SEC14L2: variants seen among roughly 807,000 people sequenced by gnomAD.
The protein encoded by SEC14L2 is SEC14 like lipid binding 2, also known as SEC14-like protein 2.
SEC14L2 carries 50 observed loss-of-function variants against 56.9 expected under a neutral mutation model. That is an observed-to-expected ratio of 0.88 (90% confidence interval 0.70 to 1.11). The LOEUF is 1.11. Ranked by LOEUF, SEC14L2 falls within the 50% of genes most tolerant of loss-of-function variation. The probability of loss-of-function intolerance (pLI) is 0.00; values close to 1 mark genes in which losing one functional copy is unlikely to be tolerated. For synonymous variants in SEC14L2, 179 were observed against 188.5 expected, an observed-to-expected ratio of 0.95 and a Z score of 0.41; for missense variants, 414 against 500.7, an observed-to-expected ratio of 0.83 and a Z score of 1.65.
At chr22:30,398,440 T>G (rs1933821648) in intron 1 of SEC14L2, 4 of 333,804 alleles carry the variant, frequency 1.2e-5, no homozygotes, top group Middle Eastern at 2.1e-3. Context: ...TCTAGGTCAG[T>G]GGTCAGGGAA....
chr22:30,421,523 T>G (rs1934517886), intron 11 of SEC14L2: 1 of 152,238 alleles, frequency 6.6e-6, no homozygotes, highest in Admixed American at 6.5e-5. Flanking sequence ...AACATAAAAT[T>G]GTTGAAGCAA....
rs1207039188 is a variant in SEC14L2 at position 30,410,628 on chromosome 22, A to T, written c.613A>T (p.Ile205Phe). Residue 205 changes from isoleucine to phenylalanine, a missense_variant, in exon 8 of 12, where the codon ATC becomes TTC. Ile to Phe is a conservative substitution (Grantham distance 21, BLOSUM62 0). Coordinates refer to ENST00000615189, the MANE Select transcript of SEC14L2 (RefSeq NM_012429.5). ...PKLFPVAYNL[I>F]KPFLSEDTRK... ...ACTGTTTCCTGTGGCCTATAACCTC[A>T]TCAAACCCTTCCTGAGTGAGGACAC... 6.2e-7 allele frequency: 1 copy of T among 1,613,754 alleles called. No homozygotes were observed. Among genetic ancestry groups the T allele is most frequent in the Non-Finnish European group, 8.5e-7 (1 of 1,179,626 alleles).
intron 1 of SEC14L2, chr22:30,398,837 CTAA>C (rs1933835431): frequency 2.1e-6 from 1 of 467,872 alleles, no homozygotes; most frequent in Non-Finnish European, 4.4e-6. Flanking sequence ...CCCAACTCTG[CTAA>C]TGACTAGCTG....
At chr22:30,419,944 TTTC>T (rs1934472847) in intron 11 of SEC14L2, among the ~76,000 whole-genome samples, 1 of 151,528 alleles carries the variant, frequency 6.6e-6, no homozygotes, top group African/African-American at 2.4e-5. Flanking sequence ...CTTTTTTTCT[TTTC>T]TTTTCTTTTC....
At chr22:30,419,951 T>C (rs1483056422) in intron 11 of SEC14L2, among the ~76,000 whole-genome samples, 1 of 151,520 alleles carries the variant, frequency 6.6e-6, no homozygotes, top group African/African-American at 2.4e-5. Flanking sequence ...TCTTTTCTTT[T>C]CTTTTCTTTT....
At position 30,399,704 on chromosome 22, in the gene SEC14L2, T is replaced by C. The variant is rs1601768681; in HGVS notation, c.116T>C (p.Leu39Pro). ...ALPNPDDYFLLRWLRARSFDL... is the reference protein window; with the variant it reads ...ALPNPDDYFLPRWLRARSFDL... ...CCGAATCCAGATGACTATTTTCTCC[T>C]GCGTTGGCTCCGAGGTGAGGGAAGA... Residue 39 changes from leucine to proline, a missense_variant, in exon 2 of 12, where the codon CTG becomes CCG. By Grantham distance (98) the Leu-to-Pro change is moderately conservative. Coordinates refer to ENST00000615189, the MANE Select transcript of SEC14L2 (RefSeq NM_012429.5). 6.2e-7 allele frequency: 1 copy of C among 1,613,716 alleles called. No homozygotes were observed. Among genetic ancestry groups the C allele is most frequent in the Non-Finnish European group, 8.5e-7 (1 of 1,179,880 alleles).
chr22:30,411,022 G>C (rs969751944), intron 8 of SEC14L2, among the ~76,000 whole-genome samples: 1 of 151,920 alleles, frequency 6.6e-6, no homozygotes, highest in African/African-American at 2.4e-5. Context: ...CCCAACACTG[G>C]GAGGCTCAGG....
At chr22:30,401,711 C>T (rs1205287911) in intron 2 of SEC14L2, among the ~76,000 whole-genome samples, 8 of 144,542 alleles carry the variant, frequency 5.5e-5, no homozygotes, top group Admixed American at 2.1e-4. Context: ...TTAGTAGAGA[C>T]GGGGTTTCAC....
Position 30,402,305 on chromosome 22 carries a change from TGGG to T in SEC14L2, c.130+2590_130+2592del, listed in dbSNP as rs199521780. On this transcript the variant is annotated intron_variant, in intron 2 of 11. Transcript: ENST00000615189. ...ATCCAGCAGACTAGGGAGCTGCTGT[TGGG>T]GGAGAAGCATGGTTTCTGAGAGCCA... Among the ~76,000 whole-genome samples, 550 of 152,182 alleles carry T rather than the reference TGGG, an allele frequency of 3.6e-3. 23 individuals carry two copies. The highest frequency in any genetic ancestry group is 0.031 in the Admixed American group (467 of 15,290).
At chr22:30,413,682 G>A (rs1480665575) in intron 8 of SEC14L2, among the ~76,000 whole-genome samples, 2 of 152,206 alleles carry the variant, frequency 1.3e-5, no homozygotes, top group African/African-American at 4.8e-5. Flanking sequence ...GGTGACACAC[G>A]AGAATTGGAG....
rs149466361 is a variant in SEC14L2 at position 30,417,351 on chromosome 22, C to T, written c.1081+948C>T. 3.2e-4 allele frequency among the ~76,000 whole-genome samples: 48 copies of T among 152,316 alleles called. No individual in the cohort carries two copies. The East Asian group carries it at 4.2e-3, about 13-fold the overall frequency. On this transcript the variant is annotated intron_variant, in intron 11 of 11. Coordinates refer to ENST00000615189, the MANE Select transcript of SEC14L2 (RefSeq NM_012429.5). ...CTGCAAATATATTTTATGATGACTA[C>T]GTATTAATATTACATTTATAAGCAG...
intron 2 of SEC14L2, among the ~76,000 whole-genome samples, chr22:30,404,009 C>CAAAAAAAAAAAAAAAAAAAAAA (rs67366822): frequency 1.1e-5 from 1 of 93,222 alleles, no homozygotes; most frequent in African/African-American, 3.8e-5. Context: ...GACTCCGTCT[C>CAAAAAAAAAAAAAAAAAAAAAA]AAAAAAAAAA....
chr22:30,407,703 A>C, intron 5 of SEC14L2, 100 bp downstream of exon 5: 1 of 1,042,218 alleles, frequency 9.6e-7, no homozygotes, highest in Non-Finnish European at 1.3e-6. Flanking sequence ...CTTCAGGGCC[A>C]AGGCCCAGCC....
At chr22:30,397,303 C>A in intron 1 of SEC14L2, 133 bp downstream of exon 1, 1 of 824,744 alleles carries the variant, frequency 1.2e-6, no homozygotes, top group Non-Finnish European at 1.8e-6. Flanking sequence ...GGCGGCTGTC[C>A]CAGCCTGGCC....
chr22:30,407,048 G>A, intron 3 of SEC14L2, 47 bp from the exon 4 acceptor site: 7 of 1,594,752 alleles, frequency 4.4e-6, no homozygotes, highest in Non-Finnish European at 6.0e-6. Context: ...CACCATGCCT[G>A]GCTGTCCATC....
rs753356326 is a variant in SEC14L2, at chr22:30,398,789, A to T, written c.55-854A>T. The T allele has an allele frequency of 5.1e-5, 24 of 470,858 alleles. No individual in the cohort carries two copies. In the Middle Eastern group the frequency reaches 1.4e-3, roughly 27 times the overall value. The allele number at this position is 470,858 out of a possible 1,614,324, so 29.2% of individuals were successfully genotyped here. A position where few individuals can be genotyped will look rare whatever the true frequency, so the allele number is the denominator to read the frequency against. On this transcript the variant is annotated intron_variant, in intron 1 of 11. Transcript: ENST00000615189. ...TGGGGCAGAAGACCATGGTGGAAAG[A>T]GTGTGTGCTCTGGACTCAGACAGAC... is the stretch of plus-strand genomic sequence containing the variant.
intron 11 of SEC14L2, among the ~76,000 whole-genome samples, chr22:30,422,045 C>G (rs1934532857): frequency 1.3e-5 from 2 of 152,322 alleles, no homozygotes; most frequent in African/African-American, 4.8e-5. Flanking sequence ...GAGATGGTCT[C>G]TGTCACTCAT....
At chr22:30,418,601 T>C (rs1448388721) in intron 11 of SEC14L2, among the ~76,000 whole-genome samples, 1 of 152,220 alleles carries the variant, frequency 6.6e-6, no homozygotes, top group East Asian at 1.9e-4. Flanking sequence ...ACCAGAACCT[T>C]TACCTGCCTG....
chr22:30,407,712 C>CA, intron 5 of SEC14L2, 109 bp downstream of exon 5: 3 of 881,558 alleles, frequency 3.4e-6, no homozygotes, highest in Non-Finnish European at 4.7e-6. Context: ...CAAGGCCCAG[C>CA]CTTTTTTTTT....
Sources: gnomAD v4.1 joint callset for allele counts (sites outside exome capture counted in the v4.1 genomes callset) on GRCh38, gnomAD v4.1.1 for gene constraint, MANE v1.5 for transcripts, NCBI Gene and HGNC (gene_info 2026-07-23, HGNC 2026-07-21) for gene names.